BABAM2: variants seen among roughly 807,000 people sequenced by gnomAD.
BABAM2 encodes BRISC and BRCA1-A complex member 2.
In BABAM2, 31 loss-of-function variants were observed where a neutral mutation model predicts 54.7. That is an observed-to-expected ratio of 0.57 (90% CI 0.43 to 0.77). The LOEUF (loss-of-function observed/expected upper bound fraction) is 0.77. Among genes scored for constraint, BABAM2 ranks in the 30% least tolerant of loss-of-function variants. BABAM2 has a pLI of 0.00. For missense variants in BABAM2, 364 were observed against 455.8 expected, an observed-to-expected ratio of 0.80 and a Z score of 1.83; for synonymous variants, 167 against 162.9, an observed-to-expected ratio of 1.03 and a Z score of -0.19.
rs1238066362 is a variant in BABAM2, at chr2:28,068,126, G to T, written c.570+22327G>T. On this transcript the variant is annotated intron_variant, in intron 6 of 11. Coordinates refer to ENST00000379624, the MANE Select transcript of BABAM2 (RefSeq NM_199191.3). Reference sequence around the variant, plus strand: ...AAAGAAACATAAAAGGGAATATAATGCTAGAGCTCATTCTATTTTTATTCA... The same window carrying T: ...AAAGAAACATAAAAGGGAATATAATTCTAGAGCTCATTCTATTTTTATTCA... Among the ~76,000 whole-genome samples the T allele has an allele frequency of 3.9e-5, 6 of 151,962 alleles. No individual in the cohort carries two copies. The East Asian group carries it at 9.6e-4, about 24-fold the overall frequency.
chr2:28,297,193 T>C (rs1030745906), intron 10 of BABAM2, among the ~76,000 whole-genome samples: 2 of 152,158 alleles, frequency 1.3e-5, no homozygotes, highest in Non-Finnish European at 2.9e-5. Context: ...GGGACTAGAT[T>C]TGAGTCTTGC....
intron 7 of BABAM2, among the ~76,000 whole-genome samples, chr2:28,215,199 G>A (rs931676016): frequency 6.6e-6 from 1 of 152,152 alleles, no homozygotes; most frequent in Non-Finnish European, 1.5e-5. Flanking sequence ...GGTAGGTAGA[G>A]AGCAAGGGAT....
intron 6 of BABAM2, among the ~76,000 whole-genome samples, chr2:28,093,861 A>G (rs920957903): frequency 1.3e-5 from 2 of 152,224 alleles, no homozygotes; most frequent in African/African-American, 4.8e-5. Flanking sequence ...TACAGACTTC[A>G]TCGTGAAATA....
At chr2:28,231,914 C>G (rs1244366167) in intron 7 of BABAM2, among the ~76,000 whole-genome samples, 5 of 146,228 alleles carry the variant, frequency 3.4e-5, no homozygotes, top group Non-Finnish European at 7.4e-5. Context: ...CTCAACTGAT[C>G]CTCTTGCCTC....
chr2:28,041,922 C>T (rs554334744), intron 5 of BABAM2, among the ~76,000 whole-genome samples: 1 of 152,018 alleles, frequency 6.6e-6, no homozygotes, highest in Admixed American at 6.6e-5. Context: ...GTTGTCCAGG[C>T]GTAGAGATAA....
intron 2 of BABAM2, among the ~76,000 whole-genome samples, chr2:27,903,740 C>T (rs1004028723): frequency 6.6e-6 from 1 of 152,186 alleles, no homozygotes; most frequent in African/African-American, 2.4e-5. Context: ...TACGCTGTAG[C>T]TGTTATTTTT....
intron 3 of BABAM2, among the ~76,000 whole-genome samples, chr2:27,949,978 A>AT (rs1669584453): frequency 6.6e-6 from 1 of 152,020 alleles, no homozygotes; most frequent in Admixed American, 6.6e-5. Flanking sequence ...AGGACTGTAC[A>AT]TTTTCTGGCT....
At chr2:27,931,861 C>T (rs1374167503) in intron 3 of BABAM2, among the ~76,000 whole-genome samples, 1 of 150,706 alleles carries the variant, frequency 6.6e-6, no homozygotes, top group Non-Finnish European at 1.5e-5. Flanking sequence ...CCTTCAATTC[C>T]TCTTCCTTCA....
chr2:28,040,291 A>ATTTTTTTTTTTTT (rs1204898070), intron 5 of BABAM2, among the ~76,000 whole-genome samples: 6 of 97,230 alleles, frequency 6.2e-5, no homozygotes, highest in Non-Finnish European at 8.5e-5. Flanking sequence ...GAAAAACTGA[A>ATTTTTTTTTTTTT]TTCTTTTTTT....
At chr2:28,106,773 A>G (rs1452715983) in intron 6 of BABAM2, among the ~76,000 whole-genome samples, 2 of 152,080 alleles carry the variant, frequency 1.3e-5, no homozygotes, top group Non-Finnish European at 1.5e-5. Flanking sequence ...GTCCTTTGAA[A>G]CCACCCAAAT....
At chr2:27,946,055 C>G (rs1669275201) in intron 3 of BABAM2, among the ~76,000 whole-genome samples, 1 of 151,966 alleles carries the variant, frequency 6.6e-6, no homozygotes, top group African/African-American at 2.4e-5. Context: ...TAGACAATAC[C>G]TAATAGCCAG....
chr2:28,080,682 G>A (rs77886798), intron 6 of BABAM2, among the ~76,000 whole-genome samples: 6,275 of 152,222 alleles, frequency 0.041, 424 homozygotes, highest in African/African-American at 0.14. Flanking sequence ...ATTTGAAAGA[G>A]AAAAGAAAAC....
At chr2:28,219,993 C>A (rs149062932) in intron 7 of BABAM2, among the ~76,000 whole-genome samples, 26 of 152,196 alleles carry the variant, frequency 1.7e-4, no homozygotes, top group Non-Finnish European at 3.4e-4. Context: ...TTTTGTCCCT[C>A]ACTTGTCTCA....
rs146327465 is a variant in BABAM2, at chr2:28,302,139, C to T, written c.1088+3648C>T. ...TTTAAGATTTAGCTGTTATGGTGGC[C>T]GGGAGCAGTCATCACGTCTGTTCTC... On this transcript the variant is annotated intron_variant, in intron 11 of 11. Transcript: ENST00000379624. Among the ~76,000 whole-genome samples the T allele has an allele frequency of 5.3e-3, 813 of 152,138 alleles. 13 individuals carry two copies. The highest frequency in any genetic ancestry group is 0.048 in the South Asian group (232 of 4,820).
chr2:27,890,277 G>C (rs1484252929), upstream of BABAM2: 1 of 1,613,808 alleles, frequency 6.2e-7, no homozygotes, highest in East Asian at 2.2e-5. The surrounding 1 kb of genome is among the most constrained non-coding windows in gnomAD (Gnocchi z 4.8). Flanking sequence ...CGGTCATGCA[G>C]GAGCCCACCA....
intron 7 of BABAM2, among the ~76,000 whole-genome samples, chr2:28,139,185 T>C (rs916453092): frequency 2.0e-5 from 3 of 151,832 alleles, no homozygotes; most frequent in African/African-American, 7.3e-5. Flanking sequence ...CCCAGCACTC[T>C]AGGAGTCCGA....
chr2:28,104,802 A>G (rs989304963), intron 6 of BABAM2, among the ~76,000 whole-genome samples: 2 of 152,220 alleles, frequency 1.3e-5, no homozygotes, highest in African/African-American at 4.8e-5. Flanking sequence ...ATGTCCATCA[A>G]TGATAGACTG....
At chr2:27,911,653 T>C (rs1381618833) in intron 2 of BABAM2, among the ~76,000 whole-genome samples, 1 of 152,134 alleles carries the variant, frequency 6.6e-6, no homozygotes, top group Admixed American at 6.5e-5. Context: ...AATGCAAATC[T>C]CTCTTCAAGC....
chr2:28,124,937 C>G (rs1212350957), intron 6 of BABAM2, among the ~76,000 whole-genome samples: 1 of 152,056 alleles, frequency 6.6e-6, no homozygotes, highest in African/African-American at 2.4e-5. Context: ...GGCAGAAGAG[C>G]CCTCAAATGA....
Sources: gnomAD v4.1 joint callset for allele counts (sites outside exome capture counted in the v4.1 genomes callset) on GRCh38, gnomAD v4.1.1 for gene constraint, Gnocchi (gnomAD v3.1) non-coding constraint, MANE v1.5 for transcripts, NCBI Gene and HGNC (gene_info 2026-07-23, HGNC 2026-07-21) for gene names.